The following AKAP19 variants were observed in gnomAD, a reference collection of about 807,000 sequenced individuals.
AKAP19 encodes the protein small A-kinase anchoring protein.
the AKAP19 span, among the ~76,000 whole-genome samples, chr2:189,882,492 T>G: frequency 6.6e-6 from 1 of 152,176 alleles, no homozygotes; most frequent in African/African-American, 2.4e-5. Context: ...CAGGACAACC[T>G]GAATCAAGAG....
the AKAP19 span, among the ~76,000 whole-genome samples, chr2:190,178,500 C>A: frequency 6.6e-6 from 1 of 152,220 alleles, no homozygotes; most frequent in Non-Finnish European, 1.5e-5. The surrounding 1 kb of genome is among the most constrained non-coding windows in gnomAD (Gnocchi z 6.3). Flanking sequence ...CTCCAGTGCA[C>A]ACCCATGAGG....
chr2:190,141,561 T>C, the AKAP19 span, among the ~76,000 whole-genome samples: 1 of 152,140 alleles, frequency 6.6e-6, no homozygotes, highest in East Asian at 1.9e-4. Flanking sequence ...AAAAGCCCCG[T>C]GTAAAACCAT....
At chr2:190,074,217 A>G in the AKAP19 span, among the ~76,000 whole-genome samples, 11 of 152,280 alleles carry the variant, frequency 7.2e-5, no homozygotes, top group Admixed American at 2.6e-4. Context: ...AAACATCAAT[A>G]CATTTTTAAA....
the AKAP19 span, among the ~76,000 whole-genome samples, chr2:189,912,959 A>G: frequency 6.6e-6 from 1 of 152,170 alleles, no homozygotes; most frequent in African/African-American, 2.4e-5. Context: ...GCAAAGCTGT[A>G]GAGTATTTTA....
the AKAP19 span, among the ~76,000 whole-genome samples, chr2:189,911,231 A>G: frequency 6.6e-6 from 1 of 152,146 alleles, no homozygotes; most frequent in Admixed American, 6.5e-5. Flanking sequence ...GGACACAAAA[A>G]GCTGAGATGT....
chr2:190,198,738 C>T, the AKAP19 span, among the ~76,000 whole-genome samples: 1 of 149,172 alleles, frequency 6.7e-6, no homozygotes, highest in African/African-American at 2.5e-5. Flanking sequence ...GACCATTAAT[C>T]TCATTCATAG....
the AKAP19 span, among the ~76,000 whole-genome samples, chr2:190,146,117 A>G: frequency 1.3e-5 from 2 of 151,936 alleles, no homozygotes; most frequent in African/African-American, 4.8e-5. Flanking sequence ...AGCAGTATAC[A>G]CTGTACCGTA....
chr2:190,172,387 T>G, the AKAP19 span, among the ~76,000 whole-genome samples: 1 of 152,346 alleles, frequency 6.6e-6, no homozygotes, highest in Non-Finnish European at 1.5e-5. Context: ...CAATGTAATA[T>G]GAAATATAAC....
At chr2:189,972,997 T>A in the AKAP19 span, among the ~76,000 whole-genome samples, 1 of 152,230 alleles carries the variant, frequency 6.6e-6, no homozygotes, top group Non-Finnish European at 1.5e-5. Context: ...CTGATTGCCC[T>A]GGCCAGAACT....
the AKAP19 span, among the ~76,000 whole-genome samples, chr2:189,968,373 G>GA: frequency 1.3e-5 from 2 of 152,064 alleles, no homozygotes; most frequent in Admixed American, 6.6e-5. Context: ...GTGTAGCTAG[G>GA]ACTACAGGCA....
the AKAP19 span, among the ~76,000 whole-genome samples, chr2:190,029,137 C>G: frequency 5.9e-5 from 9 of 151,680 alleles, no homozygotes; most frequent in African/African-American, 2.2e-4. Context: ...ACCGCAACTT[C>G]CACCTCCCAG....
At chr2:189,952,550 C>G in the AKAP19 span, among the ~76,000 whole-genome samples, 1 of 152,004 alleles carries the variant, frequency 6.6e-6, no homozygotes, top group Non-Finnish European at 1.5e-5. Flanking sequence ...TATCTGTTCT[C>G]CTATATGAGA....
chr2:190,141,034 G>A, the AKAP19 span, among the ~76,000 whole-genome samples: 1 of 152,264 alleles, frequency 6.6e-6, no homozygotes, highest in East Asian at 1.9e-4. Flanking sequence ...CTAAAGCATA[G>A]CAAGTGTGAC....
At chr2:190,037,057 C>T in the AKAP19 span, among the ~76,000 whole-genome samples, 6 of 152,164 alleles carry the variant, frequency 3.9e-5, no homozygotes, top group African/African-American at 1.4e-4. Flanking sequence ...CAAATAGCTA[C>T]GTGATAATGA....
the AKAP19 span, among the ~76,000 whole-genome samples, chr2:190,076,953 A>G: frequency 6.6e-6 from 1 of 152,096 alleles, no homozygotes; most frequent in African/African-American, 2.4e-5. Context: ...TGTTAATATT[A>G]CTGTTCAGTC....
At chr2:190,086,136 T>C in the AKAP19 span, among the ~76,000 whole-genome samples, 1 of 152,200 alleles carries the variant, frequency 6.6e-6, no homozygotes, top group Non-Finnish European at 1.5e-5. Context: ...TCACATAGTA[T>C]AAGCACATTG....
chr2:190,174,366 GCAGATTAAATA>G, the AKAP19 span, among the ~76,000 whole-genome samples: 6 of 152,124 alleles, frequency 3.9e-5, no homozygotes, highest in Non-Finnish European at 8.8e-5. Flanking sequence ...TCAGAGCAGC[GCAGATTAAATA>G]CAGTCCCTTG....
chr2:189,937,915 C>T, the AKAP19 span, among the ~76,000 whole-genome samples: 1 of 152,140 alleles, frequency 6.6e-6, no homozygotes, highest in Non-Finnish European at 1.5e-5. Flanking sequence ...TCTCTGTATA[C>T]CCAAAAGAAA....
At chr2:190,112,933 CT>C in the AKAP19 span, among the ~76,000 whole-genome samples, 359 of 151,078 alleles carry the variant, frequency 2.4e-3, 1 homozygote, top group African/African-American at 6.5e-3. Flanking sequence ...TTTAGCAGGT[CT>C]TTTTTTTTAT....
Sources: allele counts gnomAD v4.1 joint callset (sites outside exome capture counted in the v4.1 genomes callset), GRCh38; gene constraint gnomAD v4.1.1; non-coding constraint Gnocchi (gnomAD v3.1); transcripts MANE v1.5; gene names NCBI Gene and HGNC (gene_info 2026-07-23, HGNC 2026-07-21).